The following TNFSF4 variants were observed in gnomAD, a reference collection of about 807,000 sequenced individuals.
TNFSF4 encodes the protein tumor necrosis factor ligand superfamily member 4.
TNFSF4 carries 4 observed loss-of-function variants against 7.3 expected under a neutral mutation model. The observed-to-expected ratio is 0.55, with a 90% CI of 0.27 to 1.25. TNFSF4 has a LOEUF of 1.25. Ranked by LOEUF, TNFSF4 falls within the 50% of genes most tolerant of loss-of-function variation. The pLI is 0.12. For synonymous variants in TNFSF4, 76 were observed against 83.7 expected (o/e 0.91, Z 0.50); for missense variants, 181 against 208.8 (o/e 0.87, Z 0.82).
At chr1:173,431,766 G>A in the TNFSF4 span, among the ~76,000 whole-genome samples, 1 of 152,250 alleles carries the variant, frequency 6.6e-6, no homozygotes, top group Non-Finnish European at 1.5e-5. Flanking sequence ...ATGGTGATGT[G>A]TAATGAAGTT....
the TNFSF4 span, among the ~76,000 whole-genome samples, chr1:173,430,171 G>T: frequency 1.3e-5 from 2 of 152,176 alleles, no homozygotes; most frequent in African/African-American, 2.4e-5. Context: ...CGGTTGCAGG[G>T]AATCTAATAT....
At chr1:173,326,691 G>A in the TNFSF4 span, among the ~76,000 whole-genome samples, 16 of 151,744 alleles carry the variant, frequency 1.1e-4, no homozygotes, top group East Asian at 1.9e-4. Flanking sequence ...AAATCAATGT[G>A]CAAAAATCAC....
At chr1:173,409,503 A>G in the TNFSF4 span, among the ~76,000 whole-genome samples, 1 of 152,204 alleles carries the variant, frequency 6.6e-6, no homozygotes, top group Non-Finnish European at 1.5e-5. Flanking sequence ...CCTCTCCAAC[A>G]GTTCAGAAAA....
At chr1:173,341,880 T>C in the TNFSF4 span, among the ~76,000 whole-genome samples, 1 of 152,124 alleles carries the variant, frequency 6.6e-6, no homozygotes, top group African/African-American at 2.4e-5. Flanking sequence ...AGACCCCAAG[T>C]CCAGCATCCT....
chr1:173,336,441 C>G, the TNFSF4 span, among the ~76,000 whole-genome samples: 2 of 152,218 alleles, frequency 1.3e-5, no homozygotes, highest in African/African-American at 4.8e-5. Flanking sequence ...ATCACATTCT[C>G]TGGTACCTGG....
At chr1:173,417,991 T>C in the TNFSF4 span, 2 of 151,824 alleles carry the variant, frequency 1.3e-5, no homozygotes, top group African/African-American at 4.8e-5. Flanking sequence ...CCAGGAAGCC[T>C]TCCCTGGCCA....
chr1:173,305,295 T>A, the TNFSF4 span, among the ~76,000 whole-genome samples: 1 of 151,978 alleles, frequency 6.6e-6, no homozygotes, highest in Non-Finnish European at 1.5e-5. Flanking sequence ...AGTATCTCCA[T>A]GTACCCCAAG....
At chr1:173,380,889 T>C in the TNFSF4 span, among the ~76,000 whole-genome samples, 1 of 152,156 alleles carries the variant, frequency 6.6e-6, no homozygotes, top group African/African-American at 2.4e-5. Context: ...GGTATATTCT[T>C]CTTATGTGGA....
chr1:173,429,497 T>C, the TNFSF4 span, among the ~76,000 whole-genome samples: 1 of 152,334 alleles, frequency 6.6e-6, no homozygotes, highest in East Asian at 1.9e-4. Flanking sequence ...CCGTCCTTTG[T>C]TAGATGCTGC....
the TNFSF4 span, among the ~76,000 whole-genome samples, chr1:173,244,845 G>A: frequency 2.6e-5 from 4 of 152,088 alleles, no homozygotes; most frequent in African/African-American, 9.6e-5. Context: ...GTGCATGTTT[G>A]TGTGTGTGTC....
chr1:173,254,572 C>T, the TNFSF4 span, among the ~76,000 whole-genome samples: 5 of 152,180 alleles, frequency 3.3e-5, no homozygotes, highest in South Asian at 1.0e-3. Context: ...CTTGTTCTCA[C>T]CTGTTGGGAC....
chr1:173,379,255 T>C, the TNFSF4 span, among the ~76,000 whole-genome samples: 1 of 152,136 alleles, frequency 6.6e-6, no homozygotes, highest in Non-Finnish European at 1.5e-5. Flanking sequence ...GGATCCCCAC[T>C]GGGACCTCAA....
At chr1:173,298,248 CA>C in the TNFSF4 span, among the ~76,000 whole-genome samples, 1 of 151,856 alleles carries the variant, frequency 6.6e-6, no homozygotes, top group African/African-American at 2.4e-5. Context: ...CAAGAACCCC[CA>C]AAACTAAACA....
the TNFSF4 span, among the ~76,000 whole-genome samples, chr1:173,228,982 T>G: frequency 2.0e-5 from 3 of 152,078 alleles, no homozygotes; most frequent in African/African-American, 7.2e-5. Flanking sequence ...ACGGGGAGAA[T>G]GGAACCAAGT....
the TNFSF4 span, among the ~76,000 whole-genome samples, chr1:173,228,018 T>C: frequency 2.6e-5 from 4 of 152,124 alleles, no homozygotes; most frequent in African/African-American, 7.2e-5. Context: ...GGGCGGGGCA[T>C]AGCCAAACAG....
the TNFSF4 span, among the ~76,000 whole-genome samples, chr1:173,353,845 T>C: frequency 6.6e-6 from 1 of 152,346 alleles, no homozygotes; most frequent in East Asian, 1.9e-4. Flanking sequence ...ATTGTATTCA[T>C]GTAATTGTCT....
the TNFSF4 span, among the ~76,000 whole-genome samples, chr1:173,328,366 AG>A: frequency 2.5e-5 from 2 of 79,020 alleles, no homozygotes; most frequent in Non-Finnish European, 4.8e-5. Flanking sequence ...GGGTCGGGGG[AG>A]GGGGGAGGGA....
At chr1:173,174,405 ACT>A in the TNFSF4 span, 1 of 149,090 alleles carries the variant, frequency 6.7e-6, no homozygotes, top group Non-Finnish European at 1.5e-5. Flanking sequence ...GTAGCACCCC[ACT>A]CTCTGTGGTA....
the TNFSF4 span, among the ~76,000 whole-genome samples, chr1:173,397,093 T>C: frequency 1.8e-4 from 27 of 152,320 alleles, no homozygotes; most frequent in Middle Eastern, 6.8e-3. Context: ...ATATAAAACC[T>C]ATGGCATTGG....
Sources: allele counts gnomAD v4.1 joint callset (sites outside exome capture counted in the v4.1 genomes callset), GRCh38; gene constraint gnomAD v4.1.1; transcripts MANE v1.5; gene names NCBI Gene and HGNC (gene_info 2026-07-23, HGNC 2026-07-21).